The following CACNB4 variants were observed in gnomAD, a reference collection of about 807,000 sequenced individuals.
The protein encoded by CACNB4 is calcium voltage-gated channel auxiliary subunit beta 4.
Under a neutral mutation model 71.2 loss-of-function variants are expected in CACNB4, and 32 were observed. The ratio of observed to expected loss-of-function variants is 0.45; its 90% CI spans 0.34 to 0.60. The LOEUF (loss-of-function observed/expected upper bound fraction) is 0.60, where lower values mean the gene tolerates loss of function less well. Ranked by LOEUF, CACNB4 falls within the 20% of genes least tolerant of loss-of-function variation. CACNB4 has a pLI of 0.01. For synonymous variants in CACNB4, 231 were observed against 236.9 expected (o/e 0.97, Z 0.23); for missense variants, 464 against 647.9 (o/e 0.72, Z 3.08).
chr2:151,869,395 C>T (rs2099844026), intron 8 of CACNB4, 160 bp from the exon 9 acceptor site: 2 of 566,878 alleles, frequency 3.5e-6, no homozygotes, highest in Admixed American at 6.2e-5. Flanking sequence ...GTTTTTCATG[C>T]TTAACCATGT....
At chr2:151,895,177 C>CATCACAAA (rs1164507570) in intron 2 of CACNB4, among the ~76,000 whole-genome samples, 5 of 149,870 alleles carry the variant, frequency 3.3e-5, no homozygotes, top group Admixed American at 1.3e-4. Context: ...AAGCTGGAGG[C>CATCACAAA]ATCACAAAAC....
intron 2 of CACNB4, among the ~76,000 whole-genome samples, chr2:151,938,763 T>A (rs1014837391): frequency 2.6e-5 from 4 of 152,204 alleles, no homozygotes; most frequent in Non-Finnish European, 5.9e-5. Context: ...TAATCAGCAA[T>A]TCTCTTGTTT....
chr2:151,985,029 A>C (rs911285647), intron 2 of CACNB4, among the ~76,000 whole-genome samples: 1 of 152,184 alleles, frequency 6.6e-6, no homozygotes, highest in East Asian at 1.9e-4. Flanking sequence ...CTTCCACAAA[A>C]TACTTGCCTT....
chr2:151,904,537 TC>T (rs2099854286), intron 2 of CACNB4, among the ~76,000 whole-genome samples: 1 of 92,498 alleles, frequency 1.1e-5, no homozygotes, highest in Admixed American at 1.8e-4. Context: ...TAGAGATAAC[TC>T]TTTTTTTTTT....
intron 2 of CACNB4, among the ~76,000 whole-genome samples, chr2:151,993,020 C>T (rs1424639188): frequency 1.3e-5 from 2 of 152,246 alleles, no homozygotes; most frequent in South Asian, 2.1e-4. Context: ...CTCACACCCA[C>T]GAAAAGGACT....
At chr2:152,054,365 CA>C (rs34291036) in intron 2 of CACNB4, among the ~76,000 whole-genome samples, 1,648 of 85,102 alleles carry the variant, frequency 0.019, 16 homozygotes, top group African/African-American at 0.04. Flanking sequence ...AACTCCGTCT[CA>C]AAAAAAAAAA....
chr2:151,927,313 A>G (rs2099860495), intron 2 of CACNB4, among the ~76,000 whole-genome samples: 1 of 152,228 alleles, frequency 6.6e-6, no homozygotes, highest in Non-Finnish European at 1.5e-5. Context: ...AGCAGGCACA[A>G]GGAGATGAAT....
chr2:152,087,741 T>C (rs150600046), intron 2 of CACNB4, among the ~76,000 whole-genome samples: 260 of 152,082 alleles, frequency 1.7e-3, no homozygotes, highest in African/African-American at 6.0e-3. Flanking sequence ...TAGCCAGGCA[T>C]GATGGTGCAC....
chr2:151,909,153 G>A (rs1196220823), intron 2 of CACNB4, among the ~76,000 whole-genome samples: 1 of 149,170 alleles, frequency 6.7e-6, no homozygotes, highest in Non-Finnish European at 1.5e-5. Context: ...GGGGCTGGTG[G>A]GCACAGTGGC....
intron 2 of CACNB4, among the ~76,000 whole-genome samples, chr2:152,072,821 T>G (rs973961114): frequency 2.0e-5 from 3 of 151,654 alleles, no homozygotes; most frequent in South Asian, 2.1e-4. Flanking sequence ...TTTTTTTTTT[T>G]TGTATTTTTA....
At chr2:151,874,865 C>T (rs976355698) in intron 5 of CACNB4, 76 of 397,718 alleles carry the variant, frequency 1.9e-4, no homozygotes, top group Non-Finnish European at 2.2e-4. Flanking sequence ...CCTTTAAATA[C>T]CTGCACTCTG....
intron 2 of CACNB4, among the ~76,000 whole-genome samples, chr2:152,097,394 A>G (rs1411274925): frequency 2.0e-5 from 3 of 152,210 alleles, no homozygotes; most frequent in Admixed American, 1.3e-4. Context: ...CCACAGGAAG[A>G]CCTGGGATAA....
At chr2:151,853,312 G>T in intron 12 of CACNB4, 136 bp downstream of exon 12, 1 of 574,436 alleles carries the variant, frequency 1.7e-6, no homozygotes, top group Non-Finnish European at 3.0e-6. Context: ...GCAGCAGTTT[G>T]TTCCAAGAAA....
chr2:152,002,084 C>T (rs1682456465), intron 2 of CACNB4, among the ~76,000 whole-genome samples: 1 of 152,212 alleles, frequency 6.6e-6, no homozygotes, highest in South Asian at 2.1e-4. Context: ...TCCGTGTGTG[C>T]TTCAGGCATG....
chr2:151,851,499 G>A (rs2099839071), intron 12 of CACNB4: 1 of 152,100 alleles, frequency 6.6e-6, no homozygotes, highest in African/African-American at 2.4e-5. Context: ...CTCTGACCTG[G>A]GTACAAGTCC....
chr2:151,956,106 T>G (rs76365096), intron 2 of CACNB4, among the ~76,000 whole-genome samples: 8 of 152,312 alleles, frequency 5.3e-5, no homozygotes, highest in African/African-American at 1.7e-4. Flanking sequence ...ATATGGCCAT[T>G]CAGGCCAGTG....
intron 2 of CACNB4, among the ~76,000 whole-genome samples, chr2:152,024,143 G>A (rs11673891): frequency 0.073 from 11,165 of 152,130 alleles, 437 homozygotes; most frequent in African/African-American, 0.085. Context: ...AATATAATGA[G>A]ACCTGTCTCT....
At chr2:151,944,815 G>A (rs2099865177) in intron 2 of CACNB4, among the ~76,000 whole-genome samples, 1 of 152,124 alleles carries the variant, frequency 6.6e-6, no homozygotes, top group African/African-American at 2.4e-5. Flanking sequence ...TACAACTGAA[G>A]ACAGTTCTAG....
chr2:152,050,353 G>C (rs879678333), intron 2 of CACNB4, among the ~76,000 whole-genome samples: 1 of 152,110 alleles, frequency 6.6e-6, no homozygotes, highest in African/African-American at 2.4e-5. Context: ...CATAAGAGGA[G>C]AGAAAATCAC....
Sources: allele counts gnomAD v4.1 joint callset (sites outside exome capture counted in the v4.1 genomes callset), GRCh38; gene constraint gnomAD v4.1.1; transcripts MANE v1.5; gene names NCBI Gene and HGNC (gene_info 2026-07-23, HGNC 2026-07-21).